The following BMP6 variants were observed in gnomAD, a reference collection of about 807,000 sequenced individuals.
BMP6 encodes VG-1-R.
A neutral mutation model predicts 54.1 loss-of-function variants in BMP6; 17 were observed. That is an observed-to-expected ratio of 0.31 (90% CI 0.22 to 0.47). The LOEUF is 0.47. Among genes scored for constraint, BMP6 ranks in the 20% least tolerant of loss-of-function variants. BMP6 has a pLI of 1.00. For missense variants in BMP6, 720 were observed against 690.4 expected (o/e 1.04, Z -0.48); for synonymous variants, 328 against 291.2 (o/e 1.13, Z -1.28).
intron 4 of BMP6, among the ~76,000 whole-genome samples, chr6:7,862,989 T>C (rs980242697): frequency 1.3e-5 from 2 of 151,750 alleles, no homozygotes; most frequent in African/African-American, 4.8e-5. Context: ...AGGTTGAGGG[T>C]TTTTTTGTTG....
At chr6:7,841,966 G>C (rs1339048431) in intron 1 of BMP6, among the ~76,000 whole-genome samples, 2 of 152,010 alleles carry the variant, frequency 1.3e-5, no homozygotes, top group African/African-American at 4.8e-5. Context: ...GTGAGCATTT[G>C]CCAAGATTCT....
intron 2 of BMP6, among the ~76,000 whole-genome samples, chr6:7,852,242 G>A (rs1057215850): frequency 2.6e-5 from 4 of 152,178 alleles, no homozygotes; most frequent in African/African-American, 4.8e-5. Flanking sequence ...ATCTGTTTAT[G>A]GTTTTCCCTT....
chr6:7,732,998 A>C (rs928586539), intron 1 of BMP6, among the ~76,000 whole-genome samples: 3 of 151,962 alleles, frequency 2.0e-5, no homozygotes, highest in Admixed American at 6.5e-5. Context: ...TCCTGGGTTC[A>C]ATCAATTCTC....
chr6:7,814,016 C>T (rs1758486344), intron 1 of BMP6, among the ~76,000 whole-genome samples: 1 of 152,186 alleles, frequency 6.6e-6, no homozygotes, highest in African/African-American at 2.4e-5. Flanking sequence ...CCTTTTCTTG[C>T]TGACTGTCAG....
chr6:7,818,200 T>TA (rs1241295933), intron 1 of BMP6, among the ~76,000 whole-genome samples: 1 of 152,216 alleles, frequency 6.6e-6, no homozygotes, highest in African/African-American at 2.4e-5. Flanking sequence ...TTCCTGATCT[T>TA]ACTGCCCTAC....
At chr6:7,832,007 C>A (rs541323994) in intron 1 of BMP6, among the ~76,000 whole-genome samples, 1 of 152,288 alleles carries the variant, frequency 6.6e-6, no homozygotes, top group South Asian at 2.1e-4. Flanking sequence ...TGGACCCTGC[C>A]TTTGAGAGGC....
intron 4 of BMP6, among the ~76,000 whole-genome samples, chr6:7,869,300 T>C (rs1759482599): frequency 6.6e-6 from 1 of 152,222 alleles, no homozygotes. Context: ...CATCATGGCA[T>C]ATAGGGATTG....
At chr6:7,749,851 A>G (rs1757396988) in intron 1 of BMP6, among the ~76,000 whole-genome samples, 1 of 152,236 alleles carries the variant, frequency 6.6e-6, no homozygotes, top group Admixed American at 6.5e-5. Context: ...AGAGATTTCA[A>G]TTTAGTATGT....
At position 7,857,391 on chromosome 6, in the gene BMP6, G is replaced by GT. The variant is rs368491362; in HGVS notation, c.858-4059dup. Reference sequence around the variant, plus strand: ...TGTTACATCCTTGAAGATTGGAAGCGTATTCATCATGCAAATGTAGGGTCT... The same window carrying GT: ...TGTTACATCCTTGAAGATTGGAAGCGTTATTCATCATGCAAATGTAGGGTCT... On this transcript the variant is annotated intron_variant, in intron 2 of 6. Transcript: ENST00000283147. Among the ~76,000 whole-genome samples the GT allele has an allele frequency of 2.2e-3, 334 of 152,302 alleles. 4 individuals are homozygous for GT. The highest frequency in any genetic ancestry group is 7.8e-3 in the African/African-American group (324 of 41,578).
intron 1 of BMP6, among the ~76,000 whole-genome samples, chr6:7,746,409 C>G (rs77429442): frequency 6.6e-6 from 1 of 152,252 alleles, no homozygotes; most frequent in African/African-American, 2.4e-5. Flanking sequence ...AAATGGGAGA[C>G]GAACTGGGGC....
intron 1 of BMP6, among the ~76,000 whole-genome samples, chr6:7,809,108 ACCC>A (rs11365211): frequency 4.6e-5 from 5 of 109,552 alleles, no homozygotes; most frequent in African/African-American, 1.7e-4. Context: ...AGTACCCCCC[ACCC>A]CCCCCCAAAA....
At chr6:7,865,405 G>A (rs916844413) in intron 4 of BMP6, among the ~76,000 whole-genome samples, 1 of 152,146 alleles carries the variant, frequency 6.6e-6, no homozygotes, top group South Asian at 2.1e-4. Flanking sequence ...TGACGATGAA[G>A]GATGCTCCCT....
intron 4 of BMP6, among the ~76,000 whole-genome samples, chr6:7,875,970 C>T (rs1431571145): frequency 6.6e-6 from 1 of 152,178 alleles, no homozygotes; most frequent in Non-Finnish European, 1.5e-5. Context: ...AGGTTATACA[C>T]TGCAGGGTGG....
chr6:7,771,296 C>T (rs1004278698), intron 1 of BMP6, among the ~76,000 whole-genome samples: 1 of 152,174 alleles, frequency 6.6e-6, no homozygotes, highest in African/African-American at 2.4e-5. Flanking sequence ...CATTGAATCT[C>T]CAGTCCATGT....
At chr6:7,772,772 G>C (rs938664957) in intron 1 of BMP6, among the ~76,000 whole-genome samples, 1 of 152,170 alleles carries the variant, frequency 6.6e-6, no homozygotes, top group Non-Finnish European at 1.5e-5. Flanking sequence ...TCCTGTCTTT[G>C]TCTCTGGACC....
chr6:7,727,325 C>T lies in BMP6; in HGVS notation c.370C>T (p.Pro124Ser), dbSNP rs746349898. The T allele has an allele frequency of 1.6e-5, 25 of 1,608,942 alleles. No homozygotes were observed. Among genetic ancestry groups the T allele is most frequent in the Middle Eastern group, 3.3e-4 (2 of 6,060 alleles). ...QQQQQLPRGE[P>S]PPGRLKSAPL... ...GCAGCAGCAGCTGCCTCGCGGAGAG[C>T]CCCCTCCCGGGCGACTGAAGTCCGC... Residue 124 changes from proline to serine, a missense_variant, in exon 1 of 7, where the codon CCC (proline) becomes TCC (serine). Physicochemically the swap from Pro to Ser is moderately conservative, Grantham distance 74. This residue lies in a region of BMP6 where 650 missense variants were observed against 556.3 expected (regional missense o/e 1.17). Coordinates refer to ENST00000283147, the MANE Select transcript of BMP6 (RefSeq NM_001718.6).
intron 1 of BMP6, among the ~76,000 whole-genome samples, chr6:7,830,970 C>G (rs187723753): frequency 6.6e-6 from 1 of 152,272 alleles, no homozygotes; most frequent in Admixed American, 6.5e-5. Context: ...CCCCAAAGAA[C>G]TGAAAACACG....
intron 2 of BMP6, among the ~76,000 whole-genome samples, chr6:7,858,036 C>T (rs897936925): frequency 6.6e-6 from 1 of 152,144 alleles, no homozygotes; most frequent in Admixed American, 6.5e-5. Context: ...CCTTCCTGCA[C>T]GCACTCTCAT....
intron 1 of BMP6, among the ~76,000 whole-genome samples, chr6:7,762,046 C>T (rs1045144927): frequency 6.6e-6 from 1 of 152,116 alleles, no homozygotes; most frequent in Non-Finnish European, 1.5e-5. Flanking sequence ...CTCAGCCTCC[C>T]GAGTAGCTGG....
Sources: allele counts gnomAD v4.1 joint callset (sites outside exome capture counted in the v4.1 genomes callset), GRCh38; gene constraint gnomAD v4.1.1; regional missense constraint gnomAD v4.1.1; transcripts MANE v1.5; gene names NCBI Gene and HGNC (gene_info 2026-07-23, HGNC 2026-07-21).